The following FHOD3 variants were observed in gnomAD, a reference collection of about 807,000 sequenced individuals.
FHOD3 encodes FH1/FH2 domain-containing protein 3.
FHOD3 carries 90 observed loss-of-function variants against 173.0 expected under a neutral mutation model. The ratio of observed to expected loss-of-function variants is 0.52; its 90% CI spans 0.44 to 0.62. FHOD3 has a LOEUF of 0.62. Among genes scored for constraint, FHOD3 ranks in the 20% least tolerant of loss-of-function variants. FHOD3 has a pLI of 0.00. For synonymous variants in FHOD3, 828 were observed against 823.0 expected (o/e 1.01, Z -0.10); for missense variants, 1,945 against 2,034.7 (o/e 0.96, Z 0.85).
chr18:36,683,093 C>T (rs940246666), intron 15 of FHOD3, among the ~76,000 whole-genome samples: 3 of 152,166 alleles, frequency 2.0e-5, no homozygotes, highest in Non-Finnish European at 2.9e-5. Flanking sequence ...GTGTAGCATA[C>T]CCTCAGCTGT....
chr18:36,685,523 T>C (rs145951768), intron 15 of FHOD3, among the ~76,000 whole-genome samples: 68 of 152,360 alleles, frequency 4.5e-4, no homozygotes, highest in Non-Finnish European at 7.9e-4. Flanking sequence ...CTTTATCTAT[T>C]GTCATTTTTG....
chr18:36,626,000 A>G (rs1172153392), intron 10 of FHOD3, among the ~76,000 whole-genome samples: 1 of 152,158 alleles, frequency 6.6e-6, no homozygotes, highest in African/African-American at 2.4e-5. Flanking sequence ...TGTTTTTAAA[A>G]AATATTATTT....
At chr18:36,424,035 G>T (rs981745201) in intron 3 of FHOD3, among the ~76,000 whole-genome samples, 2 of 152,140 alleles carry the variant, frequency 1.3e-5, no homozygotes, top group African/African-American at 4.8e-5. Flanking sequence ...GCCTTCAGCT[G>T]AACCAAGCCA....
chr18:36,710,770 TAGTC>T (rs1212685143), intron 18 of FHOD3: 4 of 152,258 alleles, frequency 2.6e-5, no homozygotes, highest in African/African-American at 7.2e-5. Context: ...AGATTACAGT[TAGTC>T]CCCCAAATTC....
At chr18:36,738,199 G>C (rs948855236) in intron 20 of FHOD3, among the ~76,000 whole-genome samples, 2 of 152,182 alleles carry the variant, frequency 1.3e-5, no homozygotes, top group Admixed American at 1.3e-4. Flanking sequence ...TTGCATTGCA[G>C]GGAATCTACT....
At position 36,514,507 on chromosome 18, in the gene FHOD3, G is replaced by T. The variant is rs186895860; in HGVS notation, c.511+1964G>T. Reference sequence around the variant, plus strand: ...GAGCTTCCTCTAGTTTATTTTCCGGGTATAATATGGATGCCCATATGTTGA... The same window carrying T: ...GAGCTTCCTCTAGTTTATTTTCCGGTTATAATATGGATGCCCATATGTTGA... On this transcript the variant is annotated intron_variant, in intron 5 of 28. Coordinates refer to ENST00000590592, the MANE Select transcript of FHOD3 (RefSeq NM_001281740.3). Among the ~76,000 whole-genome samples, 1,325 of 152,126 alleles carry T rather than the reference G, an allele frequency of 8.7e-3. 13 individuals carry two copies. The highest frequency in any genetic ancestry group is 0.013 in the Non-Finnish European group (894 of 68,014).
At chr18:36,506,739 G>A in intron 4 of FHOD3, among the ~76,000 whole-genome samples, 1 of 152,140 alleles carries the variant, frequency 6.6e-6, no homozygotes, top group Non-Finnish European at 1.5e-5. Flanking sequence ...TATGTGATGG[G>A]CTTATTGAAG....
intron 27 of FHOD3, among the ~76,000 whole-genome samples, chr18:36,764,509 CAG>C (rs1409004677): frequency 1.3e-5 from 2 of 151,830 alleles, no homozygotes; most frequent in Admixed American, 6.6e-5. Flanking sequence ...GCCATCAGAC[CAG>C]AGTCTTGAGC....
intron 9 of FHOD3, among the ~76,000 whole-genome samples, chr18:36,622,409 T>C (rs559380042): frequency 1.1e-4 from 17 of 152,188 alleles, no homozygotes; most frequent in Non-Finnish European, 2.1e-4. Context: ...CAAAGACTGG[T>C]AGAAGTGGTT....
chr18:36,606,609 G>A (rs924299940), intron 8 of FHOD3, among the ~76,000 whole-genome samples: 1 of 152,074 alleles, frequency 6.6e-6, no homozygotes, highest in African/African-American at 2.4e-5. Flanking sequence ...CATCCCATTA[G>A]CCCCAAAGTC....
chr18:36,417,278 TCTC>T (rs1216585059), intron 3 of FHOD3, among the ~76,000 whole-genome samples: 1 of 152,164 alleles, frequency 6.6e-6, no homozygotes, highest in Non-Finnish European at 1.5e-5. Flanking sequence ...GTCCATGTGT[TCTC>T]ATCATTTAGC....
At chr18:36,674,228 G>A (rs1156611513) in intron 14 of FHOD3, among the ~76,000 whole-genome samples, 1 of 152,194 alleles carries the variant, frequency 6.6e-6, no homozygotes, top group Admixed American at 6.5e-5. Flanking sequence ...GACTTACGAT[G>A]CACCTGTGTT....
intron 1 of FHOD3, among the ~76,000 whole-genome samples, chr18:36,311,592 A>G (rs994665841): frequency 1.7e-4 from 26 of 152,188 alleles, no homozygotes; most frequent in African/African-American, 5.3e-4. Flanking sequence ...GCCATGTGCA[A>G]TGGTGAGCCA....
intron 8 of FHOD3, among the ~76,000 whole-genome samples, chr18:36,605,523 A>G (rs2031957129): frequency 6.6e-6 from 1 of 152,164 alleles, no homozygotes; most frequent in Non-Finnish European, 1.5e-5. Flanking sequence ...TCATTCATTC[A>G]AATGTAATCC....
chr18:36,720,777 C>T (rs140071577), intron 19 of FHOD3, among the ~76,000 whole-genome samples: 1 of 37,826 alleles, frequency 2.6e-5, no homozygotes, highest in Non-Finnish European at 5.4e-5. Flanking sequence ...TCCTCCTCCT[C>T]CTCTTCCTCC....
At chr18:36,307,313 T>C (rs1292578706) in intron 1 of FHOD3, among the ~76,000 whole-genome samples, 1 of 152,254 alleles carries the variant, frequency 6.6e-6, no homozygotes, top group Non-Finnish European at 1.5e-5. Context: ...TTTGGAGCGA[T>C]GGTCCTCATA....
intron 2 of FHOD3, among the ~76,000 whole-genome samples, chr18:36,371,537 G>A (rs1356714295): frequency 1.3e-5 from 2 of 152,178 alleles, no homozygotes; most frequent in East Asian, 1.9e-4. Context: ...GACTTTTGGG[G>A]ATTATGGGAG....
At chr18:36,370,997 T>C (rs1370957106) in intron 2 of FHOD3, among the ~76,000 whole-genome samples, 2 of 152,222 alleles carry the variant, frequency 1.3e-5, no homozygotes, top group African/African-American at 2.4e-5. Flanking sequence ...AGTGAGAGTT[T>C]TTTGTGGAGA....
intron 3 of FHOD3, among the ~76,000 whole-genome samples, chr18:36,479,893 A>G (rs1015674815): frequency 2.0e-5 from 3 of 152,102 alleles, no homozygotes; most frequent in Non-Finnish European, 2.9e-5. Flanking sequence ...CCTGCAACCT[A>G]TTCTTCCCAC....
Sources: gnomAD v4.1 joint callset for allele counts (sites outside exome capture counted in the v4.1 genomes callset) on GRCh38, gnomAD v4.1.1 for gene constraint, MANE v1.5 for transcripts, NCBI Gene and HGNC (gene_info 2026-07-23, HGNC 2026-07-21) for gene names.